HCN1: variants seen among roughly 807,000 people sequenced by gnomAD.
HCN1 encodes the protein hyperpolarization activated cyclic nucleotide gated potassium channel 1.
A neutral mutation model predicts 78.9 loss-of-function variants in HCN1; 13 were observed. The ratio of observed to expected loss-of-function variants is 0.16; its 90% CI spans 0.11 to 0.26. The LOEUF is 0.26. Ranked by LOEUF, HCN1 falls within the 10% of genes least tolerant of loss-of-function variation. HCN1 has a pLI of 1.00. For missense variants in HCN1, 810 were observed against 1,154.3 expected, an observed-to-expected ratio of 0.70 and a Z score of 4.32; for synonymous variants, 552 against 455.5, an observed-to-expected ratio of 1.21 and a Z score of -2.70.
chr5:45,405,427 G>A (rs148162262), intron 3 of HCN1, among the ~76,000 whole-genome samples: 6 of 152,056 alleles, frequency 3.9e-5, no homozygotes, highest in African/African-American at 1.4e-4. Flanking sequence ...TAATTATTTC[G>A]AGACAGGGTC....
At chr5:45,661,128 C>G (rs372237515) in intron 1 of HCN1, among the ~76,000 whole-genome samples, 1 of 148,352 alleles carries the variant, frequency 6.7e-6, no homozygotes, top group Admixed American at 6.8e-5. Context: ...TGCAATCAAA[C>G]TAGAACTCAG....
At chr5:45,428,629 T>A (rs1449966103) in intron 3 of HCN1, among the ~76,000 whole-genome samples, 1 of 152,100 alleles carries the variant, frequency 6.6e-6, no homozygotes, top group African/African-American at 2.4e-5. Flanking sequence ...ATTTTTATAT[T>A]AAACATTTAG....
At chr5:45,661,341 A>G (rs1745931785) in intron 1 of HCN1, among the ~76,000 whole-genome samples, 1 of 149,646 alleles carries the variant, frequency 6.7e-6, no homozygotes, top group South Asian at 2.2e-4. Context: ...AAATGCCTAC[A>G]AGAGAAAGCA....
chr5:45,513,675 C>T (rs1399467642), intron 2 of HCN1, among the ~76,000 whole-genome samples: 7 of 152,122 alleles, frequency 4.6e-5, no homozygotes, highest in African/African-American at 1.7e-4. Flanking sequence ...CTAGGTTGCA[C>T]GTTACCCTTA....
chr5:45,510,450 C>A (rs1742391566), intron 2 of HCN1, among the ~76,000 whole-genome samples: 1 of 152,044 alleles, frequency 6.6e-6, no homozygotes, highest in Admixed American at 6.6e-5. Flanking sequence ...CTAGCTCCTA[C>A]TATAGAGTCC....
At chr5:45,523,197 C>T (rs1029045259) in intron 2 of HCN1, among the ~76,000 whole-genome samples, 11 of 152,040 alleles carry the variant, frequency 7.2e-5, no homozygotes, top group African/African-American at 2.7e-4. Context: ...CTCATCATTT[C>T]TTATGGCTGC....
chr5:45,280,336 CA>C (rs1310804251), intron 6 of HCN1, among the ~76,000 whole-genome samples: 14 of 152,096 alleles, frequency 9.2e-5, no homozygotes, highest in African/African-American at 3.4e-4. Context: ...AGAAGAAAAA[CA>C]AAATAAATGC....
chr5:45,678,508 C>T (rs747554607), intron 1 of HCN1, among the ~76,000 whole-genome samples: 4 of 151,818 alleles, frequency 2.6e-5, no homozygotes, highest in African/African-American at 7.3e-5. Flanking sequence ...ATAATAACTG[C>T]GTCTCTCCTC....
At chr5:45,667,314 T>G (rs1234846584) in intron 1 of HCN1, among the ~76,000 whole-genome samples, 2 of 151,924 alleles carry the variant, frequency 1.3e-5, no homozygotes, top group African/African-American at 4.8e-5. Flanking sequence ...GGGTAGAAGC[T>G]CCCAGTCTCA....
At chr5:45,622,480 T>A (rs889546809) in intron 2 of HCN1, among the ~76,000 whole-genome samples, 1 of 152,086 alleles carries the variant, frequency 6.6e-6, no homozygotes, top group African/African-American at 2.4e-5. Context: ...TTTCCTAATT[T>A]TAAAAAATGC....
At chr5:45,494,415 T>C (rs1479104507) in intron 2 of HCN1, among the ~76,000 whole-genome samples, 1 of 152,110 alleles carries the variant, frequency 6.6e-6, no homozygotes, top group Non-Finnish European at 1.5e-5. Context: ...GAAGTGTCTG[T>C]TCATGTCCTT....
chr5:45,430,397 T>A (rs968245574), intron 3 of HCN1, among the ~76,000 whole-genome samples: 2 of 152,074 alleles, frequency 1.3e-5, no homozygotes, highest in African/African-American at 4.8e-5. Flanking sequence ...GTAATCAGCA[T>A]AATAACAGAT....
At chr5:45,379,878 A>G (rs1007373467) in intron 4 of HCN1, among the ~76,000 whole-genome samples, 6 of 152,062 alleles carry the variant, frequency 3.9e-5, no homozygotes, top group African/African-American at 1.2e-4. Context: ...TCTGTTTGGG[A>G]TAATGGAAAA....
rs61153855 is a variant in HCN1 at position 45,431,702 on chromosome 5, G to A, written c.1011+30144C>T. ...TTATTGACTAGGGAGTCCTTTCTCC[G>A]TTGCTTGTTTTTGTCAACTTTGTCA... On this transcript the variant is annotated intron_variant, in intron 3 of 7. Transcript: ENST00000303230. Among the ~76,000 whole-genome samples the A allele has an allele frequency of 1.8e-3, 271 of 152,110 alleles. 1 individual carries two copies. The highest frequency in any genetic ancestry group is 6.1e-3 in the African/African-American group (252 of 41,528).
At chr5:45,642,503 C>A (rs1745475354) in intron 2 of HCN1, 1 of 151,950 alleles carries the variant, frequency 6.6e-6, no homozygotes, top group Non-Finnish European at 1.5e-5. Context: ...CTATAGAAGG[C>A]AGCAGCTTTC....
At chr5:45,616,217 T>C (rs995435903) in intron 2 of HCN1, among the ~76,000 whole-genome samples, 32 of 152,014 alleles carry the variant, frequency 2.1e-4, no homozygotes, top group African/African-American at 7.2e-4. Context: ...CACAATGCAA[T>C]GCCAAACTGT....
intron 6 of HCN1, among the ~76,000 whole-genome samples, chr5:45,269,912 T>C (rs1744928813): frequency 6.6e-6 from 1 of 152,204 alleles, no homozygotes; most frequent in Admixed American, 6.5e-5. Context: ...ATATTCCATG[T>C]TCCCTCTACT....
Position 45,258,906 on chromosome 5 carries a change from CATT to C in HCN1, c.*3012_*3014del, listed in dbSNP as rs1744675094. On this transcript the variant is annotated 3_prime_UTR_variant, in exon 8 of 8. Coordinates refer to ENST00000303230, the MANE Select transcript of HCN1 (RefSeq NM_021072.4). ...AATATATTACAGGACAATTATTTACCATTATTACAGGAAAATTATTTCTCATCT... is the reference window on the plus strand; with the variant it reads ...AATATATTACAGGACAATTATTTACCATTACAGGAAAATTATTTCTCATCT... 1 of 151,794 alleles carries C rather than the reference CATT, an allele frequency of 6.6e-6. No individual in the cohort carries two copies. Among genetic ancestry groups the C allele is most frequent in the Non-Finnish European group, 1.5e-5 (1 of 67,910 alleles). The allele number at this position is 151,794 out of a possible 1,614,324, so 9.4% of individuals were successfully genotyped here. A position where few individuals can be genotyped will look rare whatever the true frequency, so the allele number is the denominator to read the frequency against.
At chr5:45,389,850 T>C (rs1379936301) in intron 4 of HCN1, among the ~76,000 whole-genome samples, 2 of 152,142 alleles carry the variant, frequency 1.3e-5, no homozygotes, top group African/African-American at 2.4e-5. Flanking sequence ...TCATGCACTG[T>C]TGTGATTTAT....
Sources: gnomAD v4.1 joint callset for allele counts (sites outside exome capture counted in the v4.1 genomes callset) on GRCh38, gnomAD v4.1.1 for gene constraint, MANE v1.5 for transcripts, NCBI Gene and HGNC (gene_info 2026-07-23, HGNC 2026-07-21) for gene names.